The following MCTP2 variants were observed in gnomAD, a reference collection of about 807,000 sequenced individuals.
MCTP2 encodes multiple C2 and transmembrane domain-containing protein 2.
MCTP2 carries 132 observed loss-of-function variants against 111.6 expected under a neutral mutation model. That is an observed-to-expected ratio of 1.18 (90% CI 1.03 to 1.37). The LOEUF (loss-of-function observed/expected upper bound fraction) is 1.37. MCTP2 is among the 40% of genes most tolerant of loss of function. The pLI, the probability that MCTP2 is intolerant of heterozygous loss-of-function variation, is 0.00. For synonymous variants in MCTP2, 395 were observed against 387.7 expected, an observed-to-expected ratio of 1.02 and a Z score of -0.22; for missense variants, 1,183 against 1,067.9, an observed-to-expected ratio of 1.11 and a Z score of -1.50.
At position 94,482,213 on chromosome 15, in the gene MCTP2, A is replaced by T. The variant is rs561862529; in HGVS notation, c.*3179A>T. Reference sequence around the variant, plus strand: ...TTTCAAGCAACAGCATGCCATGCTCAGATTTAAGTTTGAAAAATATTCTAG... The same window carrying T: ...TTTCAAGCAACAGCATGCCATGCTCTGATTTAAGTTTGAAAAATATTCTAG... On this transcript the variant is annotated 3_prime_UTR_variant, in exon 23 of 23. Transcript: ENST00000357742. 2.2e-4 allele frequency: 34 copies of T among 152,372 alleles called. No individual in the cohort carries two copies. The highest frequency in any genetic ancestry group is 7.2e-4 in the African/African-American group (30 of 41,594). The allele number at this position is 152,372 out of a possible 1,614,324, so 9.4% of individuals were successfully genotyped here.
At chr15:94,240,482 G>T (rs950500137) in intron 1 of MCTP2, among the ~76,000 whole-genome samples, 9 of 152,130 alleles carry the variant, frequency 5.9e-5, no homozygotes, top group African/African-American at 2.2e-4. Flanking sequence ...TTCCAACTAA[G>T]ATTTCAGAAA....
At chr15:94,287,377 G>A (rs12443461) in intron 1 of MCTP2, among the ~76,000 whole-genome samples, 25,335 of 151,974 alleles carry the variant, frequency 0.17, 2,597 homozygotes, top group East Asian at 0.23. Flanking sequence ...TGGGAAATAC[G>A]CTGTTTATTG....
intron 17 of MCTP2, chr15:94,403,282 C>A: frequency 1.0e-6 from 1 of 979,614 alleles, no homozygotes; most frequent in Non-Finnish European, 1.2e-6. Flanking sequence ...ATTGTCTCAG[C>A]ATTTGTTTAT....
intron 11 of MCTP2, among the ~76,000 whole-genome samples, chr15:94,368,201 G>C (rs1353987893): frequency 6.6e-6 from 1 of 152,196 alleles, no homozygotes; most frequent in Non-Finnish European, 1.5e-5. Context: ...TTAGGATCAA[G>C]TGAGAACCTG....
intron 8 of MCTP2, 123 bp downstream of exon 8, chr15:94,345,287 C>T: frequency 1.0e-6 from 1 of 965,332 alleles, no homozygotes; most frequent in Non-Finnish European, 1.6e-6. Flanking sequence ...TTTCCTCTTA[C>T]TGCTGTTACG....
chr15:94,328,966 A>T lies in MCTP2; in HGVS notation c.638-10324A>T, dbSNP rs570791270. Among the ~76,000 whole-genome samples, 3 of 152,276 alleles carry T rather than the reference A, an allele frequency of 2.0e-5. No homozygotes were observed. The South Asian group carries it at 6.2e-4, about 32-fold the overall frequency. On this transcript the variant is annotated intron_variant, in intron 4 of 22. Coordinates refer to ENST00000357742, the MANE Select transcript of MCTP2 (RefSeq NM_001385001.1). ...TCCACATGAGGCCTCCCCATGCAGC[A>T]TGTCTTCCTCATGACATGGCAGCAT... is the stretch of plus-strand genomic sequence containing the variant.
At chr15:94,311,861 C>T (rs2152357165) in intron 2 of MCTP2, among the ~76,000 whole-genome samples, 1 of 152,246 alleles carries the variant, frequency 6.6e-6, no homozygotes, top group South Asian at 2.1e-4. Context: ...CATCATCATT[C>T]AGTACAGTGA....
At chr15:94,273,841 C>T (rs192242608) in intron 1 of MCTP2, 289 of 223,076 alleles carry the variant, frequency 1.3e-3, no homozygotes, top group Non-Finnish European at 2.0e-3. Context: ...AGAGGGCCAA[C>T]GGCACCACCA....
intron 1 of MCTP2, among the ~76,000 whole-genome samples, chr15:94,256,932 A>G (rs1413981984): frequency 1.3e-5 from 2 of 152,136 alleles, no homozygotes; most frequent in Non-Finnish European, 2.9e-5. Flanking sequence ...AAAATCCATG[A>G]CAAATCAAAT....
At chr15:94,412,386 C>A (rs1046502623) in intron 17 of MCTP2, among the ~76,000 whole-genome samples, 1 of 151,586 alleles carries the variant, frequency 6.6e-6, no homozygotes, top group Non-Finnish European at 1.5e-5. Context: ...GGTAACATGC[C>A]GTAGGGAGAT....
intron 12 of MCTP2, among the ~76,000 whole-genome samples, chr15:94,370,791 C>T (rs553268400): frequency 3.3e-5 from 5 of 152,298 alleles, no homozygotes; most frequent in East Asian, 1.9e-4. Flanking sequence ...ACAGCGACTC[C>T]GCACTCATTG....
intron 12 of MCTP2, among the ~76,000 whole-genome samples, chr15:94,383,575 G>A (rs148287958): frequency 4.6e-5 from 7 of 152,296 alleles, no homozygotes; most frequent in East Asian, 3.9e-4. Context: ...GGCGAGTCAC[G>A]TCTTACACGG....
rs769529990 is a variant in MCTP2, at chr15:94,258,604, A to G, written c.-66+26940A>G. ...ACCATTTAGTAGAGGTGACAATGGT[A>G]GTTACCGAAAACCCTATTTAAATCA... On this transcript the variant is annotated intron_variant, in intron 1 of 22. Transcript: ENST00000357742. 9.3e-4 allele frequency among the ~76,000 whole-genome samples: 142 copies of G among 152,344 alleles called. 1 individual carries two copies. Among genetic ancestry groups the G allele is most frequent in the Non-Finnish European group, 4.4e-4 (30 of 68,024 alleles).
At chr15:94,330,653 A>T (rs1261624385) in intron 4 of MCTP2, among the ~76,000 whole-genome samples, 1 of 152,114 alleles carries the variant, frequency 6.6e-6, no homozygotes, top group Non-Finnish European at 1.5e-5. Flanking sequence ...TTACAGGGAC[A>T]ACCATGTATG....
At chr15:94,344,470 G>C (rs930308501) in intron 7 of MCTP2, among the ~76,000 whole-genome samples, 1 of 152,202 alleles carries the variant, frequency 6.6e-6, no homozygotes, top group Admixed American at 6.5e-5. Flanking sequence ...ATGGTGACAG[G>C]AGTGATGAGA....
chr15:94,342,588 A>G (rs1177577216), intron 7 of MCTP2: 1 of 136,890 alleles, frequency 7.3e-6, no homozygotes, highest in Non-Finnish European at 1.5e-5. Context: ...TTATCCCCAT[A>G]TATACACACA....
At position 94,480,135 on chromosome 15, in the gene MCTP2, A is replaced by G. The variant is rs2074652423; in HGVS notation, c.*1101A>G. ...CCTGCAGACCTCATCATTCCACAGTATTTCCCTGCCATGTAAAAATCCTGA... is the reference window on the plus strand; with the variant it reads ...CCTGCAGACCTCATCATTCCACAGTGTTTCCCTGCCATGTAAAAATCCTGA... On this transcript the variant is annotated 3_prime_UTR_variant, in exon 23 of 23. Coordinates refer to ENST00000357742, the MANE Select transcript of MCTP2 (RefSeq NM_001385001.1). 6.6e-6 allele frequency: 1 copy of G among 152,150 alleles called. No homozygotes were observed. The highest frequency in any genetic ancestry group is 1.5e-5 in the Non-Finnish European group (1 of 68,012). 9.4% of individuals were successfully genotyped at this position (152,150 alleles called of 1,614,324 possible).
At chr15:94,408,076 G>C (rs1458363442) in intron 17 of MCTP2, among the ~76,000 whole-genome samples, 1 of 152,120 alleles carries the variant, frequency 6.6e-6, no homozygotes, top group African/African-American at 2.4e-5. Context: ...TGTGTTAACT[G>C]TGTCTAAAAG....
At chr15:94,308,398 T>C (rs770777216) in intron 2 of MCTP2, among the ~76,000 whole-genome samples, 74 of 152,134 alleles carry the variant, frequency 4.9e-4, no homozygotes, top group Non-Finnish European at 2.4e-4. Flanking sequence ...AAGAGCAGCG[T>C]ACCCAGGTCA....
Sources: gnomAD v4.1 joint callset for allele counts (sites outside exome capture counted in the v4.1 genomes callset) on GRCh38, gnomAD v4.1.1 for gene constraint, MANE v1.5 for transcripts, NCBI Gene and HGNC (gene_info 2026-07-23, HGNC 2026-07-21) for gene names.